CLCN3: variants seen among roughly 807,000 people sequenced by gnomAD.
The protein encoded by CLCN3 is H(+)/Cl(-) exchange transporter 3.
A neutral mutation model predicts 83.4 loss-of-function variants in CLCN3; 16 were observed. That is an observed-to-expected ratio of 0.19 (90% CI 0.13 to 0.29). CLCN3 has a LOEUF of 0.29. Ranked by LOEUF, CLCN3 falls within the 10% of genes least tolerant of loss-of-function variation. The pLI is 1.00. For synonymous variants in CLCN3, 322 were observed against 346.2 expected (o/e 0.93, Z 0.78); for missense variants, 544 against 1,006.0 (o/e 0.54, Z 6.21).
rs940208563 is a variant in CLCN3, at chr4:169,633,652, A to G, written c.-16-2261A>G. 2.0e-5 allele frequency among the ~76,000 whole-genome samples: 3 copies of G among 152,234 alleles called. No homozygotes were observed. The South Asian group carries it at 6.2e-4, about 32-fold the overall frequency. ...GCTGCAAATGCAAGCCACATAGGTA[A>G]TTTTTAATTTTTCAGTAGCCACATT... On this transcript the variant is annotated intron_variant, in intron 1 of 12. Transcript: ENST00000513761.
intron 2 of CLCN3, among the ~76,000 whole-genome samples, chr4:169,670,528 T>C (rs1731417772): frequency 6.6e-6 from 1 of 152,208 alleles, no homozygotes; most frequent in Admixed American, 6.5e-5. Flanking sequence ...CCTTGTAGTA[T>C]AGTTTGAAGT....
chr4:169,719,311 T>C (rs1430822167), intron 12 of CLCN3, among the ~76,000 whole-genome samples: 2 of 151,942 alleles, frequency 1.3e-5, no homozygotes, highest in South Asian at 2.1e-4. Flanking sequence ...CTGAAAATAA[T>C]TGGGGCATGG....
At chr4:169,649,191 G>C (rs1001162908) in intron 2 of CLCN3, among the ~76,000 whole-genome samples, 1 of 152,186 alleles carries the variant, frequency 6.6e-6, no homozygotes, top group Non-Finnish European at 1.5e-5. Context: ...GTTGCAGGCA[G>C]AGGGAAGGAA....
chr4:169,660,309 T>C, intron 2 of CLCN3: 1 of 1,352,184 alleles, frequency 7.4e-7, no homozygotes, highest in Non-Finnish European at 9.4e-7. Context: ...AATGTCACTT[T>C]CTTTTTAAGC....
At chr4:169,668,042 C>CCT (rs780656327) in intron 2 of CLCN3, among the ~76,000 whole-genome samples, 1 of 93,632 alleles carries the variant, frequency 1.1e-5, no homozygotes. Flanking sequence ...CCCGGCCAGA[C>CCT]ATTTTTTTTT....
intron 12 of CLCN3, 49 bp downstream of exon 12, chr4:169,713,344 C>A: frequency 4.2e-6 from 6 of 1,418,826 alleles, no homozygotes; most frequent in Non-Finnish European, 6.0e-6. Context: ...ATATAGGATC[C>A]TTTTTAGTGG....
intron 3 of CLCN3, among the ~76,000 whole-genome samples, chr4:169,682,730 G>A (rs781266174): frequency 4.6e-5 from 7 of 152,140 alleles, no homozygotes; most frequent in Non-Finnish European, 1.0e-4. Flanking sequence ...TTTGAAACTG[G>A]CATAATATGA....
chr4:169,681,573 A>G (rs552218014), intron 3 of CLCN3, among the ~76,000 whole-genome samples: 1 of 152,314 alleles, frequency 6.6e-6, no homozygotes, highest in South Asian at 2.1e-4. Flanking sequence ...GCTTTAATCC[A>G]GTGATTCTTA....
At chr4:169,690,389 A>C (rs1581254085) in intron 5 of CLCN3, 141 bp from the exon 6 acceptor site, 15 of 758,738 alleles carry the variant, frequency 2.0e-5, no homozygotes, top group Non-Finnish European at 2.9e-5. Context: ...CAGGTGATCC[A>C]CCCGCCTCAA....
chr4:169,712,344 T>C (rs984658061), intron 11 of CLCN3, among the ~76,000 whole-genome samples: 1 of 152,194 alleles, frequency 6.6e-6, no homozygotes, highest in African/African-American at 2.4e-5. Context: ...CTAGCATTTT[T>C]TTTTTATCAG....
chr4:169,636,433 T>C (rs1773504573), intron 2 of CLCN3, among the ~76,000 whole-genome samples: 6 of 152,200 alleles, frequency 3.9e-5, no homozygotes, highest in Admixed American at 3.9e-4. Context: ...ATTTATTATA[T>C]AACTACTCCT....
At chr4:169,659,046 T>G (rs1730967856) in intron 2 of CLCN3, among the ~76,000 whole-genome samples, 1 of 152,150 alleles carries the variant, frequency 6.6e-6, no homozygotes, top group South Asian at 2.1e-4. Flanking sequence ...GTAAACACTT[T>G]CAGTTCGAGT....
intron 2 of CLCN3, among the ~76,000 whole-genome samples, chr4:169,643,755 C>T (rs745840955): frequency 5.3e-5 from 8 of 152,040 alleles, no homozygotes; most frequent in African/African-American, 1.7e-4. Flanking sequence ...AGGCTGATGT[C>T]GAACTCCTGG....
intron 2 of CLCN3, 79 bp from the exon 3 acceptor site, chr4:169,679,971 T>C: frequency 9.0e-7 from 1 of 1,105,970 alleles, no homozygotes; most frequent in Non-Finnish European, 1.4e-6. Context: ...TATGACTTAA[T>C]AATGAATTTC....
chr4:169,622,664 C>G (rs1773137764), intron 1 of CLCN3, among the ~76,000 whole-genome samples: 2 of 152,190 alleles, frequency 1.3e-5, no homozygotes, highest in African/African-American at 4.8e-5. Context: ...TAGGTACTTT[C>G]ACTAATCCCG....
At chr4:169,713,487 C>T (rs944246827) in intron 12 of CLCN3, among the ~76,000 whole-genome samples, 192 bp downstream of exon 12, 1 of 152,126 alleles carries the variant, frequency 6.6e-6, no homozygotes, top group Non-Finnish European at 1.5e-5. Context: ...ATGTCATCTG[C>T]CTGCTCTTTG....
chr4:169,662,951 A>G (rs1470267667), intron 2 of CLCN3, among the ~76,000 whole-genome samples: 1 of 152,074 alleles, frequency 6.6e-6, no homozygotes, highest in Non-Finnish European at 1.5e-5. Context: ...TTAGTTTTAC[A>G]CTTTTTCTTC....
intron 2 of CLCN3, among the ~76,000 whole-genome samples, chr4:169,654,069 C>A (rs1730813292): frequency 1.3e-5 from 2 of 152,146 alleles, no homozygotes; most frequent in South Asian, 2.1e-4. Flanking sequence ...TGTACAGTGC[C>A]ACCTCTGATA....
intron 11 of CLCN3, among the ~76,000 whole-genome samples, chr4:169,711,584 A>G (rs1733218015): frequency 6.6e-6 from 1 of 152,164 alleles, no homozygotes; most frequent in Admixed American, 6.5e-5. Flanking sequence ...TCCTGACCTC[A>G]GTTGATCTGC....
Sources: allele counts gnomAD v4.1 joint callset (sites outside exome capture counted in the v4.1 genomes callset), GRCh38; gene constraint gnomAD v4.1.1; transcripts MANE v1.5; gene names NCBI Gene and HGNC (gene_info 2026-07-23, HGNC 2026-07-21).